PARD3: variants seen among roughly 807,000 people sequenced by gnomAD.
PARD3 encodes partitioning defective 3 homolog.
PARD3 carries 75 observed loss-of-function variants against 155.4 expected under a neutral mutation model. That is an observed-to-expected ratio of 0.48 (90% CI 0.40 to 0.58). The LOEUF (loss-of-function observed/expected upper bound fraction) is 0.58. Among genes scored for constraint, PARD3 ranks in the 20% least tolerant of loss-of-function variants. The pLI, the probability that PARD3 is intolerant of heterozygous loss-of-function variation, is 0.00. For synonymous variants in PARD3, 576 were observed against 610.5 expected (o/e 0.94, Z 0.83); for missense variants, 1,642 against 1,721.7 (o/e 0.95, Z 0.82).
chr10:34,606,156 ATGTGTGTGTGTGTG>A lies in PARD3; in HGVS notation c.223-89011_223-88998del, dbSNP rs59792013. Among the ~76,000 whole-genome samples, 658 of 126,550 alleles carry A rather than the reference ATGTGTGTGTGTGTG, an allele frequency of 5.2e-3. 6 individuals carry two copies. The highest frequency in any genetic ancestry group is 0.012 in the African/African-American group (421 of 36,040). The allele number at this position is 126,550 out of a possible 152,430, so 83.0% of individuals were successfully genotyped here. On this transcript the variant is annotated intron_variant, in intron 2 of 24. Coordinates refer to ENST00000374788, the MANE Select transcript of PARD3 (RefSeq NM_001184785.2). ...TATTACTATACATATATAAAGGGAAATGTGTGTGTGTGTGTGTGTGTGTGTGTGTGTGTGTGTGT... is the reference window on the plus strand; with the variant it reads ...TATTACTATACATATATAAAGGGAAATGTGTGTGTGTGTGTGTGTGTGTGT...
intron 3 of PARD3, among the ~76,000 whole-genome samples, chr10:34,500,882 T>TG (rs772692034): frequency 6.6e-6 from 1 of 152,160 alleles, no homozygotes; most frequent in Non-Finnish European, 1.5e-5. Flanking sequence ...AGTGAAAGAA[T>TG]GAAACTTCCT....
At chr10:34,586,237 T>A (rs577398015) in intron 2 of PARD3, among the ~76,000 whole-genome samples, 195 of 152,328 alleles carry the variant, frequency 1.3e-3, no homozygotes, top group Non-Finnish European at 1.9e-3. Flanking sequence ...GGAAACCTAA[T>A]TATGTTCTTT....
intron 20 of PARD3, among the ~76,000 whole-genome samples, chr10:34,301,444 C>A (rs1235754338): frequency 1.3e-5 from 2 of 152,190 alleles, no homozygotes; most frequent in African/African-American, 4.8e-5. Context: ...CAGTTACCAA[C>A]AGCTCCTTCC....
At chr10:34,480,788 CTTTT>C (rs1171867112) in intron 3 of PARD3, among the ~76,000 whole-genome samples, 1 of 129,528 alleles carries the variant, frequency 7.7e-6, no homozygotes, top group Admixed American at 7.3e-5. Flanking sequence ...CTGCAGGTTT[CTTTT>C]TCTTTTTTTT....
chr10:34,225,632 CACCA>C lies in PARD3; in HGVS notation c.3419+44021_3419+44024del, dbSNP rs538567815. Among the ~76,000 whole-genome samples the C allele has an allele frequency of 5.8e-4, 88 of 152,310 alleles. 2 individuals carry two copies. In the South Asian group the frequency reaches 0.018, roughly 31 times the overall value. ...AAGTGCTGGGATTACAGGTGTGAGT[CACCA>C]TGCCCGGCCAGACTGGTCTGTTTTA... On this transcript the variant is annotated intron_variant, in intron 22 of 24. Coordinates refer to ENST00000374788, the MANE Select transcript of PARD3 (RefSeq NM_001184785.2).
At chr10:34,281,427 G>A (rs1013775864) in intron 21 of PARD3, among the ~76,000 whole-genome samples, 7 of 152,072 alleles carry the variant, frequency 4.6e-5, no homozygotes, top group Non-Finnish European at 7.4e-5. Flanking sequence ...CAGACTCCCC[G>A]CTTCTCAAGA....
At chr10:34,435,478 A>C (rs1379183446) in intron 5 of PARD3, among the ~76,000 whole-genome samples, 1 of 152,230 alleles carries the variant, frequency 6.6e-6, no homozygotes, top group Non-Finnish European at 1.5e-5. Context: ...GATAATGAGA[A>C]TACAAATTGC....
chr10:34,555,659 T>C (rs936232723), intron 2 of PARD3, among the ~76,000 whole-genome samples: 8 of 152,172 alleles, frequency 5.3e-5, no homozygotes, highest in African/African-American at 1.9e-4. Flanking sequence ...ACCCTCAATA[T>C]GTATTAGTCT....
chr10:34,414,066 C>T (rs1423076230), intron 5 of PARD3, among the ~76,000 whole-genome samples: 1 of 151,976 alleles, frequency 6.6e-6, no homozygotes, highest in East Asian at 1.9e-4. Flanking sequence ...GGAGTGGTAA[C>T]ACGTGCCTAT....
At chr10:34,275,638 C>T (rs1390456125) in intron 21 of PARD3, among the ~76,000 whole-genome samples, 3 of 152,084 alleles carry the variant, frequency 2.0e-5, no homozygotes, top group Non-Finnish European at 2.9e-5. Flanking sequence ...GTTATATTTG[C>T]ATGTTATGTA....
intron 4 of PARD3, among the ~76,000 whole-genome samples, chr10:34,467,790 T>C (rs976914603): frequency 9.2e-5 from 14 of 152,276 alleles, no homozygotes; most frequent in Admixed American, 2.6e-4. Context: ...TGAAACTGCG[T>C]CAGCTAGGTG....
rs553633256 is a variant in PARD3, at chr10:34,220,503, T to A, written c.3419+49154A>T. 2.0e-5 allele frequency among the ~76,000 whole-genome samples: 3 copies of A among 152,302 alleles called. No individual in the cohort carries two copies. In the South Asian group the frequency reaches 6.2e-4, roughly 32 times the overall value. On this transcript the variant is annotated intron_variant, in intron 22 of 24. Transcript: ENST00000374788. The stretch of plus-strand genomic sequence containing the variant: ...CGATTTTGTGCTCAAACAAGAGCTG[T>A]TTCAAAGAGGGCTGGTGACTCTTGG...
chr10:34,814,834 C>A, intron 1 of PARD3, 42 bp downstream of exon 1: 1 of 1,178,902 alleles, frequency 8.5e-7, no homozygotes. Flanking sequence ...CGGCGCCGTC[C>A]CCGCCGCCGC....
At chr10:34,428,146 C>T (rs116818434) in intron 5 of PARD3, among the ~76,000 whole-genome samples, 4,156 of 152,228 alleles carry the variant, frequency 0.027, 187 homozygotes, top group African/African-American at 0.095. Context: ...AACAAACCTC[C>T]AGCATTTCCC....
intron 1 of PARD3, among the ~76,000 whole-genome samples, chr10:34,707,790 C>A (rs982588682): frequency 1.3e-5 from 2 of 152,202 alleles, no homozygotes; most frequent in Non-Finnish European, 2.9e-5. Flanking sequence ...CAACTCCAGG[C>A]TCTGTGCAGG....
At position 34,792,281 on chromosome 10, in the gene PARD3, C is replaced by G. The variant is rs544067415; in HGVS notation, c.120+22595G>C. ...CTGTAGGAAGAAAAGTACAAGGTCT[C>G]GCTGTGTTGCCCCGGCAGGTCTCAC... On this transcript the variant is annotated intron_variant, in intron 1 of 24. Coordinates refer to ENST00000374788, the MANE Select transcript of PARD3 (RefSeq NM_001184785.2). Among the ~76,000 whole-genome samples the G allele has an allele frequency of 6.6e-5, 10 of 152,232 alleles. No homozygotes were observed. The South Asian group carries it at 2.1e-3, about 32-fold the overall frequency.
At chr10:34,722,448 T>C (rs143460886) in intron 1 of PARD3, among the ~76,000 whole-genome samples, 35 of 152,312 alleles carry the variant, frequency 2.3e-4, no homozygotes, top group African/African-American at 7.9e-4. Context: ...CACTATAAAC[T>C]ATAATCATAG....
intron 19 of PARD3, among the ~76,000 whole-genome samples, chr10:34,318,098 A>G (rs1958126304): frequency 6.6e-6 from 1 of 152,244 alleles, no homozygotes; most frequent in Non-Finnish European, 1.5e-5. Context: ...CTTAGTGATA[A>G]CAATATTCCA....
chr10:34,276,888 T>C lies in PARD3; in HGVS notation c.3177-6989A>G, dbSNP rs1955910309. 2.0e-5 allele frequency among the ~76,000 whole-genome samples: 3 copies of C among 152,192 alleles called. No homozygotes were observed. In the South Asian group the frequency reaches 6.2e-4, roughly 31 times the overall value. On this transcript the variant is annotated intron_variant, in intron 21 of 24. Coordinates refer to ENST00000374788, the MANE Select transcript of PARD3 (RefSeq NM_001184785.2). ...AGACTACAAGAAATAGAAACTGTCT[T>C]TTAACGATTTTTAATTTAAAAAGTT... is the stretch of plus-strand genomic sequence containing the variant.
Sources: gnomAD v4.1 joint callset for allele counts (sites outside exome capture counted in the v4.1 genomes callset) on GRCh38, gnomAD v4.1.1 for gene constraint, MANE v1.5 for transcripts, NCBI Gene and HGNC (gene_info 2026-07-23, HGNC 2026-07-21) for gene names.